NOL4: variants seen among roughly 807,000 people sequenced by gnomAD.
NOL4 encodes nucleolar protein 4, also known as cancer/testis antigen 125.
NOL4 carries 17 observed loss-of-function variants against 75.9 expected under a neutral mutation model. That is an observed-to-expected ratio of 0.22 (90% CI 0.15 to 0.34). The LOEUF is 0.34. Among genes scored for constraint, NOL4 ranks in the 10% least tolerant of loss-of-function variants. The pLI is 1.00. For missense variants in NOL4, 614 were observed against 793.5 expected, an observed-to-expected ratio of 0.77 and a Z score of 2.72; for synonymous variants, 292 against 289.9, an observed-to-expected ratio of 1.01 and a Z score of -0.07.
At chr18:33,865,351 T>C (rs1461156657) in intron 10 of NOL4, among the ~76,000 whole-genome samples, 1 of 152,178 alleles carries the variant, frequency 6.6e-6, no homozygotes, top group African/African-American at 2.4e-5. Context: ...AAATGCTATA[T>C]AAATATTTGT....
intron 5 of NOL4, among the ~76,000 whole-genome samples, chr18:34,091,731 A>C (rs2078531557): frequency 6.6e-6 from 1 of 152,290 alleles, no homozygotes; most frequent in Non-Finnish European, 1.5e-5. Context: ...AGTGGGGAAA[A>C]CCTCTGATGC....
At chr18:33,959,274 T>A (rs757973026) in intron 6 of NOL4, among the ~76,000 whole-genome samples, 16 of 152,164 alleles carry the variant, frequency 1.1e-4, no homozygotes, top group Admixed American at 7.2e-4. Flanking sequence ...CAGAATACAA[T>A]GCATAAGTAT....
rs182721943 is a variant in NOL4, at chr18:34,193,552, C to T, written c.264+29438G>A. On this transcript the variant is annotated intron_variant, in intron 1 of 10. Transcript: ENST00000261592. Reference sequence around the variant, plus strand: ...AACCACAATGATATATCATCCCATACGCACTATAATGGCTATTCTTTTTAA... The same window carrying T: ...AACCACAATGATATATCATCCCATATGCACTATAATGGCTATTCTTTTTAA... Among the ~76,000 whole-genome samples, 98 of 152,058 alleles carry T rather than the reference C, an allele frequency of 6.4e-4. 1 individual carries two copies. Among genetic ancestry groups the T allele is most frequent in the African/African-American group, 7.0e-4 (29 of 41,472 alleles).
chr18:33,916,939 A>G (rs902527819), intron 9 of NOL4, among the ~76,000 whole-genome samples: 1 of 152,200 alleles, frequency 6.6e-6, no homozygotes, highest in Non-Finnish European at 1.5e-5. Flanking sequence ...GTGAAAAACA[A>G]TGGAACTACA....
At chr18:34,215,751 C>G (rs1176207061) in intron 1 of NOL4, among the ~76,000 whole-genome samples, 1 of 152,108 alleles carries the variant, frequency 6.6e-6, no homozygotes, top group Non-Finnish European at 1.5e-5. Flanking sequence ...CCTTGAACAA[C>G]CTGGGGTTAG....
At chr18:34,154,612 T>C (rs2030001559) in intron 1 of NOL4, among the ~76,000 whole-genome samples, 1 of 152,092 alleles carries the variant, frequency 6.6e-6, no homozygotes, top group Non-Finnish European at 1.5e-5. Context: ...TTATGTTTTT[T>C]AACTATTAGA....
chr18:34,104,740 A>G (rs2079190449), intron 3 of NOL4, among the ~76,000 whole-genome samples: 1 of 152,080 alleles, frequency 6.6e-6, no homozygotes, highest in South Asian at 2.1e-4. Context: ...TTAAAAAGAC[A>G]TTGATAGAAA....
At chr18:34,170,379 G>A (rs759499440) in intron 1 of NOL4, among the ~76,000 whole-genome samples, 1 of 151,652 alleles carries the variant, frequency 6.6e-6, no homozygotes, top group African/African-American at 2.4e-5. Context: ...TTAGTAGAGA[G>A]ATGGGTTTCA....
chr18:34,029,891 C>T (rs1268272721), intron 5 of NOL4, among the ~76,000 whole-genome samples: 1 of 152,010 alleles, frequency 6.6e-6, no homozygotes, highest in South Asian at 2.1e-4. Context: ...ACATAATAAC[C>T]AATTTTCAAT....
rs192749151 is a variant in NOL4, at chr18:34,018,011, A to G, written c.1056+1307T>C. The stretch of plus-strand genomic sequence containing the variant: ...TGTGCAAGAATATGTTTTAATAAGC[A>G]TCGTTCCCAGAGTAATACTGAATAA... On this transcript the variant is annotated intron_variant, in intron 6 of 10. Coordinates refer to ENST00000261592, the MANE Select transcript of NOL4 (RefSeq NM_003787.5). Among the ~76,000 whole-genome samples the G allele has an allele frequency of 4.6e-5, 7 of 152,282 alleles. No individual in the cohort carries two copies. The East Asian group carries it at 1.4e-3, about 29-fold the overall frequency.
chr18:34,005,466 C>T (rs2146272521), intron 6 of NOL4, among the ~76,000 whole-genome samples: 1 of 152,158 alleles, frequency 6.6e-6, no homozygotes, highest in South Asian at 2.1e-4. Context: ...CTTCAGGCCT[C>T]TATTTCTTTT....
intron 4 of NOL4, among the ~76,000 whole-genome samples, chr18:34,094,214 AC>A (rs2145560378): frequency 6.6e-6 from 1 of 152,354 alleles, no homozygotes; most frequent in African/African-American, 2.4e-5. Context: ...AAACTAAATG[AC>A]CAAAAAATGT....
At chr18:33,992,629 A>C (rs2073004231) in intron 6 of NOL4, among the ~76,000 whole-genome samples, 1 of 152,152 alleles carries the variant, frequency 6.6e-6, no homozygotes, top group East Asian at 1.9e-4. Flanking sequence ...CAAAGCTACC[A>C]GTAAGAGGGC....
intron 5 of NOL4, among the ~76,000 whole-genome samples, chr18:34,047,384 T>C (rs997575973): frequency 5.3e-5 from 8 of 152,098 alleles, no homozygotes; most frequent in African/African-American, 1.9e-4. Flanking sequence ...TCTAAATATA[T>C]GTTATAAATA....
chr18:34,075,797 T>C (rs546567820), intron 5 of NOL4, among the ~76,000 whole-genome samples: 12 of 152,346 alleles, frequency 7.9e-5, no homozygotes, highest in Admixed American at 2.6e-4. Context: ...TACATTCATA[T>C]ATTCTAGTAC....
At chr18:34,130,144 C>G in intron 1 of NOL4, 124 bp from the exon 2 acceptor site, 1 of 862,676 alleles carries the variant, frequency 1.2e-6, no homozygotes, top group Non-Finnish European at 1.6e-6. Flanking sequence ...TAGGAAACGT[C>G]AAAAATTCAT....
intron 5 of NOL4, among the ~76,000 whole-genome samples, chr18:34,074,919 T>A (rs2077680696): frequency 6.6e-6 from 1 of 152,192 alleles, no homozygotes; most frequent in Non-Finnish European, 1.5e-5. Flanking sequence ...GTATCTTTTG[T>A]CTGACTTGCT....
intron 2 of NOL4, among the ~76,000 whole-genome samples, chr18:34,127,078 T>C (rs2080421072): frequency 6.6e-6 from 1 of 151,906 alleles, no homozygotes; most frequent in South Asian, 2.1e-4. Context: ...AAATGTGTCA[T>C]TTTGTGTGGG....
At chr18:33,927,109 T>C (rs886111826) in intron 9 of NOL4, among the ~76,000 whole-genome samples, 1 of 152,158 alleles carries the variant, frequency 6.6e-6, no homozygotes, top group African/African-American at 2.4e-5. Context: ...AAAACGTGAT[T>C]GATCCTGCCA....
Sources: gnomAD v4.1 joint callset for allele counts (sites outside exome capture counted in the v4.1 genomes callset) on GRCh38, gnomAD v4.1.1 for gene constraint, MANE v1.5 for transcripts, NCBI Gene and HGNC (gene_info 2026-07-23, HGNC 2026-07-21) for gene names.